The following RAPGEF3 variants were observed in gnomAD, a reference collection of about 807,000 sequenced individuals.
The protein encoded by RAPGEF3 is Rap guanine nucleotide exchange factor 3.
A neutral mutation model predicts 129.8 loss-of-function variants in RAPGEF3; 103 were observed. That is an observed-to-expected ratio of 0.79 (90% CI 0.68 to 0.93). RAPGEF3 has a LOEUF of 0.93. Ranked by LOEUF, RAPGEF3 falls within the 40% of genes least tolerant of loss-of-function variation. The pLI is 0.00. For synonymous variants in RAPGEF3, 436 were observed against 482.6 expected (o/e 0.90, Z 1.26); for missense variants, 1,117 against 1,207.4 (o/e 0.93, Z 1.11).
intron 22 of RAPGEF3, 24 bp from the exon 23 acceptor site, chr12:47,740,215 G>A (rs572735870): frequency 2.0e-5 from 33 of 1,613,550 alleles, no homozygotes; most frequent in Middle Eastern, 1.7e-4. Flanking sequence ...GCAGATGAGC[G>A]GCTGCTCTGG....
At position 47,750,499 on chromosome 12, in the gene RAPGEF3, C is replaced by G. The variant is rs1223521534; in HGVS notation, c.672-74G>C. ...AGGTGCAGGGAGCCACTCCACCCAC[C>G]CAGCCGATGCCTGTGCCAGACGGTG... On this transcript the variant is annotated intron_variant, in intron 6 of 27. Coordinates refer to ENST00000449771, the MANE Select transcript of RAPGEF3 (RefSeq NM_001098531.4). 166 of 1,335,786 alleles carry G rather than the reference C, an allele frequency of 1.2e-4. 4 individuals carry two copies. The South Asian group carries it at 2.1e-3, about 17-fold the overall frequency. 82.7% of individuals were successfully genotyped at this position (1,335,786 alleles called of 1,614,324 possible).
At chr12:47,743,461 G>A in intron 18 of RAPGEF3, 69 bp downstream of exon 18, 1 of 1,531,302 alleles carries the variant, frequency 6.5e-7, no homozygotes, top group Non-Finnish European at 8.9e-7. Context: ...CAATGATCTT[G>A]ACTGGGGGAC....
chr12:47,748,223 G>T, intron 12 of RAPGEF3, 71 bp from the exon 13 acceptor site: 3 of 1,296,590 alleles, frequency 2.3e-6, no homozygotes, highest in Non-Finnish European at 3.2e-6. Context: ...TGTATGGACA[G>T]CTGGAAGGAC....
At chr12:47,739,067 G>C (rs1940974292) in intron 24 of RAPGEF3, 76 bp downstream of exon 24, 1 of 1,292,244 alleles carries the variant, frequency 7.7e-7, no homozygotes, top group East Asian at 2.3e-5. Flanking sequence ...GATGGGGGAT[G>C]GAGGCAGGAA....
rs1310178453 is a variant in RAPGEF3, at chr12:47,740,859, G to A, written c.2050-36C>T. On this transcript the variant is annotated intron_variant, in intron 20 of 27. Coordinates refer to ENST00000449771, the MANE Select transcript of RAPGEF3 (RefSeq NM_001098531.4). ...TCAGCAGGAGAGGTCAGCGAGTGCTGAGCCGAGCCGGGCGCCCCGCCGCCT... is the reference window on the plus strand; with the variant it reads ...TCAGCAGGAGAGGTCAGCGAGTGCTAAGCCGAGCCGGGCGCCCCGCCGCCT... 2.5e-6 allele frequency: 4 copies of A among 1,613,352 alleles called. No homozygotes were observed. In the African/African-American group the frequency reaches 4.0e-5, roughly 16 times the overall value.
intron 18 of RAPGEF3, 35 bp downstream of exon 18, chr12:47,743,495 C>A (rs774391395): frequency 1.3e-6 from 2 of 1,584,902 alleles, no homozygotes; most frequent in Non-Finnish European, 8.6e-7. Flanking sequence ...CGAGGGGCCA[C>A]CCTCCCTTGG....
chr12:47,757,884 G>A lies in RAPGEF3; in HGVS notation c.201C>T (p.Cys67=). The change falls in exon 2 of 28, where the codon TGC becomes TGT. Residue 67 remains cysteine (C), a synonymous_variant. Coordinates refer to ENST00000449771, the MANE Select transcript of RAPGEF3 (RefSeq NM_001098531.4). The part of the protein sequence containing the change: ...QLLLEHQRPS[C]IQGLRWTPLT... ...TACTCACCCAGCGCAGCCCCTGGAT[G>A]CAGCTCGGACGCTGGTGCTCCAGCA... 1.3e-6 allele frequency: 2 copies of A among 1,555,624 alleles called. No individual in the cohort carries two copies. The highest frequency in any genetic ancestry group is 1.7e-6 in the Non-Finnish European group (2 of 1,149,756).
chr12:47,751,350 C>G, intron 5 of RAPGEF3, 49 bp downstream of exon 5: 1 of 1,610,552 alleles, frequency 6.2e-7, no homozygotes, highest in East Asian at 2.2e-5. Flanking sequence ...TCCTGTCCCC[C>G]TCACTGCCCA....
intron 24 of RAPGEF3, 86 bp from the exon 25 acceptor site, chr12:47,738,840 T>C: frequency 8.3e-7 from 1 of 1,201,828 alleles, no homozygotes; most frequent in Non-Finnish European, 1.2e-6. Flanking sequence ...ACGGCTCCCT[T>C]GGGCCTACCT....
At position 47,749,479 on chromosome 12, in the gene RAPGEF3, C is replaced by A. The variant is rs1941615566; in HGVS notation, c.952G>T (p.Asp318Tyr). 6.2e-7 allele frequency: 1 copy of A among 1,612,966 alleles called. No homozygotes were observed. The highest frequency in any genetic ancestry group is 1.7e-5 in the Admixed American group (1 of 59,994). ...ATGATGGTGGCTGCCCGGGGTGCAT[C>A]ATTCACCAGAGCCAGCTGTCCAAAA... ...DDFGQLALVN[D>Y]APRAATIILR... The change falls in exon 10 of 28, where the codon GAT (aspartate) becomes TAT (tyrosine). Residue 318 changes from aspartate (D) to tyrosine (Y), a missense_variant. Around this residue, in one of 3 missense-constraint regions of RAPGEF3, gnomAD observed 107 missense variants for 160.7 expected, o/e 0.67. Coordinates refer to ENST00000449771, the MANE Select transcript of RAPGEF3 (RefSeq NM_001098531.4). The surrounding 1 kb of genome is among the most constrained non-coding windows in gnomAD (Gnocchi z 4.5).
In RAPGEF3 at chr12:47,738,829, A is replaced by G. The variant is rs1157637675; in HGVS notation, c.2462-75T>C. 7 of 1,343,636 alleles carry G rather than the reference A, an allele frequency of 5.2e-6. No homozygotes were observed. In the East Asian group the frequency reaches 1.6e-4, roughly 31 times the overall value. The allele number at this position is 1,343,636 out of a possible 1,614,324, so 83.2% of individuals were successfully genotyped here. A position where few individuals can be genotyped will look rare whatever the true frequency, so the allele number is the denominator to read the frequency against. On this transcript the variant is annotated intron_variant, in intron 24 of 27. Transcript: ENST00000449771. ...GTAGCCCAGAAAAGGTGAAGGGCATAACGGCTCCCTTGGGCCTACCTCACC... is the reference window on the plus strand; with the variant it reads ...GTAGCCCAGAAAAGGTGAAGGGCATGACGGCTCCCTTGGGCCTACCTCACC...
chr12:47,748,036 TC>T, intron 13 of RAPGEF3, 37 bp downstream of exon 13: 1 of 1,551,794 alleles, frequency 6.4e-7, no homozygotes. Flanking sequence ...CACCATCCTA[TC>T]CCCATGCACA....
chr12:47,741,201 G>A (rs764396835), intron 19 of RAPGEF3, 161 bp from the exon 20 acceptor site: 4 of 955,896 alleles, frequency 4.2e-6, no homozygotes, highest in East Asian at 2.6e-5. Context: ...AGCAGCTGGA[G>A]GATAGGGCTC....
rs963677914 is a variant in RAPGEF3 at position 47,735,475 on chromosome 12, C to T, written c.*2092G>A. Reference sequence around the variant, plus strand: ...AGTGGCCTGGCCCCCTGGGCCGCAACTCTTCTAGCTCCCAGAGTCTGTGTC... The same window carrying T: ...AGTGGCCTGGCCCCCTGGGCCGCAATTCTTCTAGCTCCCAGAGTCTGTGTC... On this transcript the variant is annotated 3_prime_UTR_variant, in exon 28 of 28. Coordinates refer to ENST00000449771, the MANE Select transcript of RAPGEF3 (RefSeq NM_001098531.4). The T allele has an allele frequency of 6.6e-6, 1 of 152,284 alleles. No homozygotes were observed. Among genetic ancestry groups the T allele is most frequent in the Non-Finnish European group, 1.5e-5 (1 of 68,088 alleles). The allele number at this position is 152,284 out of a possible 1,614,324, so 9.4% of individuals were successfully genotyped here.
chr12:47,743,635 G>A lies in RAPGEF3; in HGVS notation c.1720C>T (p.Leu574=). ...ICRPDHSVLT[L]QLPVTASVRE... is the part of the protein sequence containing the mutation. ...ACGGAGGCTGTCACAGGCAGCTGCA[G>A]GGTCAACACTGAGTGGTCTGGCCGG... Residue 574 remains leucine, a synonymous_variant, in exon 18 of 28, where the codon CTG becomes TTG. Transcript: ENST00000449771. 6.2e-7 allele frequency: 1 copy of A among 1,613,426 alleles called. No individual in the cohort carries two copies.
chr12:47,738,640 A>G (rs761261809), intron 25 of RAPGEF3, 50 bp downstream of exon 25: 14 of 1,488,944 alleles, frequency 9.4e-6, no homozygotes, highest in Middle Eastern at 1.7e-4. Flanking sequence ...GGCCACAGTC[A>G]TGTCCTCCAA....
In RAPGEF3 at chr12:47,749,564, C is replaced by A. The variant is rs761400097; in HGVS notation, c.895-28G>T. On this transcript the variant is annotated intron_variant, in intron 9 of 27. Transcript: ENST00000449771. The surrounding 1 kb of genome is among the most constrained non-coding windows in gnomAD (Gnocchi z 4.5). ...GCAGCCAGGCCTCAGTCTCAGCCCG[C>A]CCCTGCCGCCCCTGCCGCCCCCAGC... The A allele has an allele frequency of 2.6e-6, 4 of 1,555,730 alleles. No homozygotes were observed. The highest frequency in any genetic ancestry group is 3.5e-6 in the Non-Finnish European group (4 of 1,154,360).
Position 47,737,220 on chromosome 12 carries a change from A to T in RAPGEF3, c.*347T>A. 1 of 286,942 alleles carries T rather than the reference A, an allele frequency of 3.5e-6. No homozygotes were observed. The highest frequency in any genetic ancestry group is 6.6e-6 in the Non-Finnish European group (1 of 150,582). 17.8% of individuals were successfully genotyped at this position (286,942 alleles called of 1,614,324 possible). ...GAAAATAAACTGCAGGCCTGGCTGG[A>T]CAACAAAGCCAGAGGCACAGAATCT... On this transcript the variant is annotated 3_prime_UTR_variant, in exon 28 of 28. Transcript: ENST00000449771.
At position 47,751,520 on chromosome 12, in the gene RAPGEF3, C is replaced by A. The variant is rs778468810; in HGVS notation, c.381G>T (p.Arg127=). 2 of 1,614,194 alleles carry A rather than the reference C, an allele frequency of 1.2e-6. No homozygotes were observed. The highest frequency in any genetic ancestry group is 3.3e-5 in the Admixed American group (2 of 60,030). ...RDRKYHLRLY[R]QCCSGRELVD... ...CCAGCTCCCGGCCAGAGCAGCACTGCCTATGGAAGGTAGAAGGGGACAGGC... is the reference window on the plus strand; with the variant it reads ...CCAGCTCCCGGCCAGAGCAGCACTGACTATGGAAGGTAGAAGGGGACAGGC... Residue 127 remains arginine, a splice_region_variant and synonymous_variant, in exon 5 of 28, where the codon CGG becomes CGT. Transcript: ENST00000449771.
Sources: gnomAD v4.1 joint callset for allele counts on GRCh38, gnomAD v4.1.1 for gene constraint, gnomAD v4.1.1 regional missense constraint, Gnocchi (gnomAD v3.1) non-coding constraint, MANE v1.5 for transcripts, NCBI Gene and HGNC (gene_info 2026-07-23, HGNC 2026-07-21) for gene names.